CDC25B: variants seen among roughly 807,000 people sequenced by gnomAD.
The protein encoded by CDC25B is cell division cycle 25B, also known as M-phase inducer phosphatase 2.
A neutral mutation model predicts 69.8 loss-of-function variants in CDC25B; 33 were observed. That is an observed-to-expected ratio of 0.47 (90% confidence interval 0.36 to 0.63). The LOEUF is 0.63. Ranked by LOEUF, CDC25B falls within the 30% of genes least tolerant of loss-of-function variation. CDC25B has a pLI of 0.00. For synonymous variants in CDC25B, 341 were observed against 314.6 expected, an observed-to-expected ratio of 1.08 and a Z score of -0.89; for missense variants, 727 against 809.1, an observed-to-expected ratio of 0.90 and a Z score of 1.23.
rs778600558 is a variant in CDC25B, at chr20:3,803,140, C to T, written c.1290C>T (p.Asn430=). 8 of 1,614,040 alleles carry T rather than the reference C, an allele frequency of 5.0e-6. No individual in the cohort carries two copies. In the Admixed American group the frequency reaches 1.3e-4, roughly 27 times the overall value. ...MVALLTGKFS[N]IVDKFVIVDC... is the part of the protein sequence containing the mutation. Reference sequence around the variant, plus strand: ...CCCTATTGACGGGCAAGTTCAGCAACATCGTGGATAAGTTTGTGATTGTAG... The same window carrying T: ...CCCTATTGACGGGCAAGTTCAGCAATATCGTGGATAAGTTTGTGATTGTAG... Residue 430 remains asparagine, a synonymous_variant, in exon 13 of 16, where the codon AAC becomes AAT. Transcript: ENST00000245960. The surrounding 1 kb of genome is among the most constrained non-coding windows in gnomAD (Gnocchi z 4.9).
chr20:3,799,536 G>GCT (rs1761908897), intron 3 of CDC25B, among the ~76,000 whole-genome samples: 1 of 151,346 alleles, frequency 6.6e-6, no homozygotes, highest in African/African-American at 2.4e-5. Context: ...GCGCGCGCGC[G>GCT]CGTAGATGCA....
upstream of CDC25B, among the ~76,000 whole-genome samples, chr20:3,795,049 G>A (rs115016263): frequency 2.6e-3 from 399 of 152,318 alleles, 2 homozygotes; most frequent in African/African-American, 8.9e-3. Flanking sequence ...AAACGAGCGG[G>A]GCTGGAAGGC....
In CDC25B at chr20:3,801,344, G is replaced by A. The variant is rs754553191; in HGVS notation, c.796G>A (p.Glu266Lys). The A allele has an allele frequency of 3.1e-6, 5 of 1,613,910 alleles. No individual in the cohort carries two copies. The highest frequency in any genetic ancestry group is 4.2e-6 in the Non-Finnish European group (5 of 1,179,952). Reference protein sequence around the residue: ...FSLTPAEGDTEEDDGFVDILE... With the variant: ...FSLTPAEGDTKEDDGFVDILE... ...TCTGACCCCTGCAGAGGGGGATACT[G>A]AGGAAGATGATGGATTTGTGGACAT... Residue 266 changes from glutamate to lysine, a missense_variant, in exon 8 of 16, where the codon GAG becomes AAG. Coordinates refer to ENST00000245960, the MANE Select transcript of CDC25B (RefSeq NM_021873.4).
chr20:3,805,437 C>T lies in CDC25B; in HGVS notation c.*476C>T, dbSNP rs1014703507. 3 of 242,032 alleles carry T rather than the reference C, an allele frequency of 1.2e-5. No individual in the cohort carries two copies. The highest frequency in any genetic ancestry group is 8.3e-5 in the East Asian group (1 of 12,064). The allele number at this position is 242,032 out of a possible 1,614,324, so 15.0% of individuals were successfully genotyped here. A position where few individuals can be genotyped will look rare whatever the true frequency, so the allele number is the denominator to read the frequency against. On this transcript the variant is annotated 3_prime_UTR_variant, in exon 16 of 16. Transcript: ENST00000245960. ...GGCTGCCCCTAATCTCTGTAGGAAC[C>T]GTGGTATGTCTGCCATGTTGCCCCT...
Position 3,800,078 on chromosome 20 carries a change from C to A in CDC25B, c.381-210C>A, listed in dbSNP as rs11569997. Among the ~76,000 whole-genome samples the A allele has an allele frequency of 5.4e-4, 82 of 152,264 alleles. 1 individual carries two copies. The East Asian group carries it at 0.015, about 28-fold the overall frequency. ...CTGGGCTTTCTTTCATTCAGGGCAG[C>A]CTTTAAAATTCCAAGCTGCCTCTTA... On this transcript the variant is annotated intron_variant, in intron 3 of 15. Transcript: ENST00000245960.
Position 3,803,933 on chromosome 20 carries a change from AGCTC to A in CDC25B, c.1490+397_1490+400del, listed in dbSNP as rs2089382957. Among the ~76,000 whole-genome samples, 1 of 152,078 alleles carries A rather than the reference AGCTC, an allele frequency of 6.6e-6. No individual in the cohort carries two copies. Among genetic ancestry groups the A allele is most frequent in the African/African-American group, 2.4e-5 (1 of 41,380 alleles). ...CACAGCACCTGGGCCTCCCTGGCTGAGCTCCTTCTGTCGCTATTCCTGTTCTGCC... is the reference window on the plus strand; with the variant it reads ...CACAGCACCTGGGCCTCCCTGGCTGACTTCTGTCGCTATTCCTGTTCTGCC... On this transcript the variant is annotated intron_variant, in intron 14 of 15. Coordinates refer to ENST00000245960, the MANE Select transcript of CDC25B (RefSeq NM_021873.4). The surrounding 1 kb of genome is among the most constrained non-coding windows in gnomAD (Gnocchi z 4.9).
Position 3,805,162 on chromosome 20 carries a change from CT to C in CDC25B, c.*202del, listed in dbSNP as rs2089436219. The C allele has an allele frequency of 1.7e-5, 10 of 601,426 alleles. No homozygotes were observed. In the South Asian group the frequency reaches 1.7e-4, roughly 10 times the overall value. The allele number at this position is 601,426 out of a possible 1,614,324, so 37.3% of individuals were successfully genotyped here. A position where few individuals can be genotyped will look rare whatever the true frequency, so the allele number is the denominator to read the frequency against. On this transcript the variant is annotated 3_prime_UTR_variant, in exon 16 of 16. Coordinates refer to ENST00000245960, the MANE Select transcript of CDC25B (RefSeq NM_021873.4). ...TTCCATATCCTGGTGCCCCCCACCC[CT>C]GGAAGAGCCCAGTCTGTTGAGTTAG...
At chr20:3,790,661 CGTAG>C (rs908129401) in intron 1 of CDC25B, among the ~76,000 whole-genome samples, 5 of 152,016 alleles carry the variant, frequency 3.3e-5, no homozygotes, top group Admixed American at 2.6e-4. Flanking sequence ...ACCTCTGCCT[CGTAG>C]GTTCAGTCAT....
At chr20:3,804,755 TG>T in intron 15 of CDC25B, 65 bp from the exon 16 acceptor site, 1 of 680,346 alleles carries the variant, frequency 1.5e-6, no homozygotes, top group Non-Finnish European at 2.0e-6. Context: ...GGATGGGGGG[TG>T]GGAGGGTTGG....
At position 3,803,340 on chromosome 20, in the gene CDC25B, C is replaced by T. The variant is rs541650178; in HGVS notation, c.1357-64C>T. 2 of 1,609,798 alleles carry T rather than the reference C, an allele frequency of 1.2e-6. No homozygotes were observed. Among genetic ancestry groups the T allele is most frequent in the African/African-American group, 2.7e-5 (2 of 74,896 alleles). ...GTTCCTACTAAGAGAAGGACAGCGACTGCACGGGGAGGGCCCTGACTCCTG... is the reference window on the plus strand; with the variant it reads ...GTTCCTACTAAGAGAAGGACAGCGATTGCACGGGGAGGGCCCTGACTCCTG... On this transcript the variant is annotated intron_variant, in intron 13 of 15. Coordinates refer to ENST00000245960, the MANE Select transcript of CDC25B (RefSeq NM_021873.4). This position sits in a 1 kb window ranked among gnomAD's most constrained non-coding sequence, Gnocchi z 4.9.
rs57004606 is a variant in CDC25B at position 3,788,142 on chromosome 20, A to AAAAGAAAGAAAGAAAGAAAGAAAG, written c.8+1025_8+1026insAGAAAGAAAGAAAGAAAGAAAGAA. On this transcript the variant is annotated intron_variant, in intron 1 of 15. Coordinates refer to the CDC25B transcript ENST00000344256. ...AAAGAGTGAGACTCCATCTCAAAAA[A>AAAAGAAAGAAAGAAAGAAAGAAAG]AAAGAAAGAAAGAAAGAAAGAACCA... Among the ~76,000 whole-genome samples, 303 of 150,086 alleles carry AAAAGAAAGAAAGAAAGAAAGAAAG rather than the reference A, an allele frequency of 2.0e-3. 3 individuals carry two copies. The highest frequency in any genetic ancestry group is 7.2e-3 in the African/African-American group (292 of 40,536).
At chr20:3,796,903 G>C (rs538865784) in intron 1 of CDC25B, among the ~76,000 whole-genome samples, 172 bp downstream of exon 1, 15 of 152,236 alleles carry the variant, frequency 9.9e-5, no homozygotes, top group African/African-American at 3.6e-4. Context: ...GACATGGGAA[G>C]TGAGACCTGG....
intron 9 of CDC25B, 59 bp from the exon 10 acceptor site, chr20:3,801,865 G>T: frequency 6.3e-7 from 1 of 1,584,308 alleles, no homozygotes; most frequent in Non-Finnish European, 8.6e-7. Context: ...CTCTCCAGTG[G>T]ATTTGAGGGA....
intron 1 of CDC25B, among the ~76,000 whole-genome samples, chr20:3,797,405 ACCTTT>A (rs2089097040): frequency 6.6e-6 from 1 of 152,160 alleles, no homozygotes; most frequent in South Asian, 2.1e-4. Flanking sequence ...TCCTGAGAGG[ACCTTT>A]CCTAAACCAG....
At chr20:3,792,311 T>C (rs1208208311), upstream of CDC25B, among the ~76,000 whole-genome samples, 1 of 151,786 alleles carries the variant, frequency 6.6e-6, no homozygotes, top group African/African-American at 2.4e-5. Flanking sequence ...TAAGTGGCCA[T>C]TGAACTATTA....
intron 3 of CDC25B, among the ~76,000 whole-genome samples, chr20:3,799,523 T>TGC (rs879400925): frequency 0.12 from 6,503 of 56,348 alleles, 169 homozygotes; most frequent in African/African-American, 0.13. Context: ...TGTGTGTGTG[T>TGC]GTGCGCGCGC....
intron 1 of CDC25B, among the ~76,000 whole-genome samples, chr20:3,790,153 A>G (rs979146746): frequency 6.6e-6 from 1 of 151,908 alleles, no homozygotes; most frequent in African/African-American, 2.4e-5. Context: ...TTGTTTTGAA[A>G]GAAAGGAGGA....
upstream of CDC25B, among the ~76,000 whole-genome samples, chr20:3,794,216 C>T (rs551436673): frequency 3.5e-3 from 535 of 150,744 alleles, 1 homozygote; most frequent in African/African-American, 0.012. Context: ...GTCCCACCAG[C>T]GGTGTAAAAG....
intron 11 of CDC25B, 95 bp from the exon 12 acceptor site, chr20:3,802,815 C>T: frequency 9.8e-7 from 1 of 1,019,440 alleles, no homozygotes; most frequent in Admixed American, 1.9e-5. Flanking sequence ...GCAGGTGTGG[C>T]CTCTGATTTT....
Sources: gnomAD v4.1 joint callset for allele counts (sites outside exome capture counted in the v4.1 genomes callset) on GRCh38, gnomAD v4.1.1 for gene constraint, Gnocchi (gnomAD v3.1) non-coding constraint, MANE v1.5 for transcripts, NCBI Gene and HGNC (gene_info 2026-07-23, HGNC 2026-07-21) for gene names.